TEX53: variants seen among roughly 807,000 people sequenced by gnomAD.
The protein encoded by TEX53 is testis expressed 53.
rs1188165183 is a variant in TEX53 at position 114,657,746 on chromosome 9, C to T, written c.29G>A (p.Arg10His). ...GGTGGAAGACCCCTCGCTGGTCTTG[C>T]GGCAACAACAGAAGATCTTGGACCC... The part of the protein sequence containing the change: MGSKIFCCC[R>H]KTSEGSSTTV... The change falls in exon 1 of 2, where the codon CGC (arginine) becomes CAC (histidine). Residue 10 changes from arginine to histidine, a missense_variant. By Grantham distance (29) the Arg-to-His change is conservative (BLOSUM62 0). Transcript: ENST00000423632. 9 of 398,526 alleles carry T rather than the reference C, an allele frequency of 2.3e-5. No individual in the cohort carries two copies. The highest frequency in any genetic ancestry group is 4.0e-5 in the Non-Finnish European group (9 of 226,112). The allele number at this position is 398,526 out of a possible 1,614,324, so 24.7% of individuals were successfully genotyped here.
intron 1 of TEX53, among the ~76,000 whole-genome samples, chr9:114,656,925 G>A (rs569337613): frequency 1.3e-5 from 2 of 152,020 alleles, no homozygotes; most frequent in Admixed American, 1.3e-4. Flanking sequence ...CGCTCAGGCT[G>A]GAGTGCAGTG....
At chr9:114,657,153 G>C (rs139528463) in intron 1 of TEX53, among the ~76,000 whole-genome samples, 1 of 152,216 alleles carries the variant, frequency 6.6e-6, no homozygotes, top group Non-Finnish European at 1.5e-5. Flanking sequence ...TGGGATTACA[G>C]GCGTGAGCCA....
chr9:114,657,766 G>A lies in TEX53; in HGVS notation c.9C>T (p.Ser3=), dbSNP rs767434451. 2.8e-5 allele frequency: 11 copies of A among 398,644 alleles called. No individual in the cohort carries two copies. Among genetic ancestry groups the A allele is most frequent in the Non-Finnish European group, 4.4e-5 (10 of 226,150 alleles). The allele number at this position is 398,644 out of a possible 1,614,324, so 24.7% of individuals were successfully genotyped here. The change falls in exon 1 of 2, where the codon TCC becomes TCT. Residue 3 remains serine (S), a synonymous_variant. Coordinates refer to ENST00000423632, the MANE Select transcript of TEX53 (RefSeq NM_001354645.2). ...TCTTGCGGCAACAACAGAAGATCTTGGACCCCATGTTTTGGTGCGCGGTGG... is the reference window on the plus strand; with the variant it reads ...TCTTGCGGCAACAACAGAAGATCTTAGACCCCATGTTTTGGTGCGCGGTGG... MG[S]KIFCCCRKTS...
rs1222674024 is a variant in TEX53 at position 114,657,716 on chromosome 9, A to G, written c.59T>C (p.Val20Ala). 2.5e-6 allele frequency: 1 copy of G among 398,734 alleles called. No homozygotes were observed. The allele number at this position is 398,734 out of a possible 1,614,324, so 24.7% of individuals were successfully genotyped here. The change falls in exon 1 of 2, where the codon GTT becomes GCT. Residue 20 changes from valine to alanine, a missense_variant. Coordinates refer to ENST00000423632, the MANE Select transcript of TEX53 (RefSeq NM_001354645.2). Reference sequence around the variant, plus strand: ...GAACATTCTTGGATTGTGGAAGCCAACAGTGGTGGAAGACCCCTCGCTGGT... The same window carrying G: ...GAACATTCTTGGATTGTGGAAGCCAGCAGTGGTGGAAGACCCCTCGCTGGT... ...RKTSEGSSTT[V>A]GFHNPRMFEQ...
chr9:114,657,723 T>C lies in TEX53; in HGVS notation c.52A>G (p.Thr18Ala). Residue 18 changes from threonine to alanine, a missense_variant, in exon 1 of 2, where the codon ACC becomes GCC. Coordinates refer to ENST00000423632, the MANE Select transcript of TEX53 (RefSeq NM_001354645.2). ...CCRKTSEGSS[T>A]TVGFHNPRMF... ...CTTGGATTGTGGAAGCCAACAGTGG[T>C]GGAAGACCCCTCGCTGGTCTTGCGG... 2 of 398,708 alleles carry C rather than the reference T, an allele frequency of 5.0e-6. No homozygotes were observed. The highest frequency in any genetic ancestry group is 4.4e-6 in the Non-Finnish European group (1 of 226,118). The allele number at this position is 398,708 out of a possible 1,614,324, so 24.7% of individuals were successfully genotyped here.
At position 114,657,752 on chromosome 9, in the gene TEX53, C is replaced by T. The variant is rs562870146; in HGVS notation, c.23G>A (p.Cys8Tyr). The change falls in exon 1 of 2, where the codon TGT (cysteine) becomes TAT (tyrosine). Residue 8 changes from cysteine to tyrosine, a missense_variant. Physicochemically the swap from Cys to Tyr is radical, Grantham distance 194 (BLOSUM62 -2). Coordinates refer to ENST00000423632, the MANE Select transcript of TEX53 (RefSeq NM_001354645.2). ...AGACCCCTCGCTGGTCTTGCGGCAA[C>T]AACAGAAGATCTTGGACCCCATGTT... Reference protein sequence around the residue: MGSKIFCCCRKTSEGSST... With the variant: MGSKIFCYCRKTSEGSST... 1.5e-5 allele frequency: 6 copies of T among 398,704 alleles called. No individual in the cohort carries two copies. In the South Asian group the frequency reaches 7.6e-4, roughly 51 times the overall value. 24.7% of individuals were successfully genotyped at this position (398,704 alleles called of 1,614,324 possible).
chr9:114,656,472 G>C lies in TEX53; in HGVS notation c.*57C>G. ...TCTTGTCCACTGCCCTCTTCCTCAT[G>C]GAAGCCCAGCAGCTGTGCAGCCGCA... On this transcript the variant is annotated 3_prime_UTR_variant, in exon 2 of 2. Coordinates refer to ENST00000423632, the MANE Select transcript of TEX53 (RefSeq NM_001354645.2). The C allele has an allele frequency of 2.5e-6, 1 of 398,240 alleles. No homozygotes were observed. The highest frequency in any genetic ancestry group is 4.4e-6 in the Non-Finnish European group (1 of 225,870). 24.7% of individuals were successfully genotyped at this position (398,240 alleles called of 1,614,324 possible).
At chr9:114,657,156 G>A (rs1335203181) in intron 1 of TEX53, among the ~76,000 whole-genome samples, 3 of 152,226 alleles carry the variant, frequency 2.0e-5, no homozygotes, top group South Asian at 2.1e-4. Context: ...GATTACAGGC[G>A]TGAGCCACCG....
At chr9:114,657,118 T>C (rs1827722483) in intron 1 of TEX53, among the ~76,000 whole-genome samples, 1 of 152,174 alleles carries the variant, frequency 6.6e-6, no homozygotes, top group African/African-American at 2.4e-5. Context: ...CCTCGTGATC[T>C]GCCCGCCTCA....
Position 114,656,497 on chromosome 9 carries a change from A to G in TEX53, c.*32T>C. 2.5e-6 allele frequency: 1 copy of G among 398,384 alleles called. No individual in the cohort carries two copies. Among genetic ancestry groups the G allele is most frequent in the South Asian group, 1.3e-4 (1 of 7,852 alleles). 24.7% of individuals were successfully genotyped at this position (398,384 alleles called of 1,614,324 possible). A position where few individuals can be genotyped will look rare whatever the true frequency, so the allele number is the denominator to read the frequency against. On this transcript the variant is annotated 3_prime_UTR_variant, in exon 2 of 2. Coordinates refer to ENST00000423632, the MANE Select transcript of TEX53 (RefSeq NM_001354645.2). ...GGAAGCCCAGCAGCTGTGCAGCCGC[A>G]GGGACCACGTGGGTGCCGCCGGCTA...
rs1827709587 is a variant in TEX53 at position 114,656,625 on chromosome 9, G to T, written c.117C>A (p.Asn39Lys). The change falls in exon 2 of 2, where the codon AAC becomes AAA. Residue 39 changes from asparagine to lysine, a missense_variant. Asn to Lys is a moderately conservative substitution (Grantham distance 94). Coordinates refer to ENST00000423632, the MANE Select transcript of TEX53 (RefSeq NM_001354645.2). ...GTACAGCACTGTGGAGAGAATTTGT[G>T]TTCAGATCTGAAAGAACAGAGGAAT... ...EQHHPRSFNL[N>K]TNSLHSAVPK... The T allele has an allele frequency of 2.5e-6, 1 of 398,602 alleles. No homozygotes were observed. Among genetic ancestry groups the T allele is most frequent in the East Asian group, 3.6e-5 (1 of 28,076 alleles). 24.7% of individuals were successfully genotyped at this position (398,602 alleles called of 1,614,324 possible).
rs561619703 is a variant in TEX53, at chr9:114,656,350, G to C, written c.*179C>G. The C allele has an allele frequency of 5.1e-6, 2 of 388,526 alleles. No homozygotes were observed. Among genetic ancestry groups the C allele is most frequent in the African/African-American group, 4.1e-5 (2 of 48,430 alleles). The allele number at this position is 388,526 out of a possible 1,614,324, so 24.1% of individuals were successfully genotyped here. ...TTGGAGGCGGCTCCCCCCCACGGTG[G>C]CTTTTTCAGAAGCTGGAGTGACTCT... On this transcript the variant is annotated 3_prime_UTR_variant, in exon 2 of 2. Transcript: ENST00000423632.
intron 1 of TEX53, 28 bp from the exon 2 acceptor site, chr9:114,656,660 C>T (rs1222670637): frequency 5.0e-6 from 2 of 398,328 alleles, no homozygotes; most frequent in African/African-American, 2.1e-5. Flanking sequence ...TAAACTTATC[C>T]TGGGTAAAGG....
At chr9:114,656,916 G>A (rs569412996) in intron 1 of TEX53, among the ~76,000 whole-genome samples, 7 of 151,916 alleles carry the variant, frequency 4.6e-5, no homozygotes, top group African/African-American at 1.7e-4. Flanking sequence ...TCGCTCTGTC[G>A]CTCAGGCTGG....
chr9:114,657,098 G>A (rs144699630), intron 1 of TEX53, among the ~76,000 whole-genome samples: 1,920 of 152,210 alleles, frequency 0.013, 32 homozygotes, highest in African/African-American at 0.044. Context: ...GGATGGTCTC[G>A]ATCTCCTGAC....
At chr9:114,656,971 G>A (rs1248925706) in intron 1 of TEX53, among the ~76,000 whole-genome samples, 3 of 152,154 alleles carry the variant, frequency 2.0e-5, no homozygotes, top group African/African-American at 7.2e-5. Flanking sequence ...CCGCCTCCTC[G>A]GTTCACTCCA....
intron 1 of TEX53, among the ~76,000 whole-genome samples, chr9:114,657,219 C>T (rs1404258094): frequency 6.6e-6 from 1 of 152,078 alleles, no homozygotes; most frequent in Non-Finnish European, 1.5e-5. Flanking sequence ...CATTCACTTA[C>T]ACACGGTGCC....
Position 114,656,725 on chromosome 9 carries a change from C to G in TEX53, c.110-93G>C, listed in dbSNP as rs116762981. ...GGCCATACTCCACTCAGAGACTCCT[C>G]AAATCATTAATCTCTTTAAAAATAA... On this transcript the variant is annotated intron_variant, in intron 1 of 1. Transcript: ENST00000423632. The G allele has an allele frequency of 9.3e-4, 369 of 396,510 alleles. 2 individuals are homozygous for G. Among genetic ancestry groups the G allele is most frequent in the African/African-American group, 7.0e-3 (343 of 48,688 alleles). The allele number at this position is 396,510 out of a possible 1,614,324, so 24.6% of individuals were successfully genotyped here.
In TEX53 at chr9:114,657,067, G is replaced by A. The variant is rs919637387; in HGVS notation, c.110-435C>T. On this transcript the variant is annotated intron_variant, in intron 1 of 1. Coordinates refer to ENST00000423632, the MANE Select transcript of TEX53 (RefSeq NM_001354645.2). ...AATTTTTTGTATTTTTAGTAGAGACGGGGTTTCACCGTGTTAGCCAGGATG... is the reference window on the plus strand; with the variant it reads ...AATTTTTTGTATTTTTAGTAGAGACAGGGTTTCACCGTGTTAGCCAGGATG... Among the ~76,000 whole-genome samples, 14 of 152,002 alleles carry A rather than the reference G, an allele frequency of 9.2e-5. No individual in the cohort carries two copies. The South Asian group carries it at 2.3e-3, about 25-fold the overall frequency.
Sources: allele counts gnomAD v4.1 joint callset (sites outside exome capture counted in the v4.1 genomes callset), GRCh38; gene constraint gnomAD v4.1.1; transcripts MANE v1.5; gene names NCBI Gene and HGNC (gene_info 2026-07-23, HGNC 2026-07-21).